The following GRAMD1B variants were observed in gnomAD, a reference collection of about 807,000 sequenced individuals.
The protein encoded by GRAMD1B is GRAM domain containing 1B.
In GRAMD1B, 37 loss-of-function variants were observed where a neutral mutation model predicts 99.7. The ratio of observed to expected loss-of-function variants is 0.37; its 90% CI spans 0.29 to 0.49. GRAMD1B has a LOEUF of 0.49. Among genes scored for constraint, GRAMD1B ranks in the 20% least tolerant of loss-of-function variants. The pLI is 0.98. For synonymous variants in GRAMD1B, 427 were observed against 387.6 expected, an observed-to-expected ratio of 1.10 and a Z score of -1.19; for missense variants, 888 against 1,009.2, an observed-to-expected ratio of 0.88 and a Z score of 1.63.
intron 2 of GRAMD1B, among the ~76,000 whole-genome samples, chr11:123,495,122 C>CAG (rs765949281): frequency 1.3e-5 from 2 of 151,402 alleles, no homozygotes; most frequent in African/African-American, 4.9e-5. Context: ...CATACACACA[C>CAG]ACACACACAC....
chr11:123,496,066 A>G (rs1479668682), intron 2 of GRAMD1B, among the ~76,000 whole-genome samples: 1 of 152,128 alleles, frequency 6.6e-6, no homozygotes, highest in East Asian at 1.9e-4. Flanking sequence ...CTACCTTTAG[A>G]TGATTTCTTT....
At chr11:123,450,883 A>T (rs957533659) in intron 1 of GRAMD1B, among the ~76,000 whole-genome samples, 1 of 152,200 alleles carries the variant, frequency 6.6e-6, no homozygotes, top group African/African-American at 2.4e-5. Context: ...GCACTAACAG[A>T]AGCCAAGAGC....
In GRAMD1B at chr11:123,591,724, G is replaced by T. The variant is rs922264865; in HGVS notation, c.685-2358G>T. On this transcript the variant is annotated intron_variant, in intron 4 of 19. Coordinates refer to ENST00000635736, the MANE Select transcript of GRAMD1B (RefSeq NM_001387025.1). This position sits in a 1 kb window ranked among gnomAD's most constrained non-coding sequence, Gnocchi z 4.7. ...GGGGGTGGAGGAGGGAGAGGGCTGG[G>T]GTCCCTGGCTTCGAGAGGCTGCATG... Among the ~76,000 whole-genome samples, 7 of 152,200 alleles carry T rather than the reference G, an allele frequency of 4.6e-5. No homozygotes were observed. Among genetic ancestry groups the T allele is most frequent in the Non-Finnish European group, 8.8e-5 (6 of 68,040 alleles).
At chr11:123,461,301 C>T (rs1435384984) in intron 1 of GRAMD1B, among the ~76,000 whole-genome samples, 1 of 152,196 alleles carries the variant, frequency 6.6e-6, no homozygotes. Context: ...AAAAGCCAAG[C>T]TGGCACTGCT....
At chr11:123,602,301 A>AATTATT (rs4063750) in intron 8 of GRAMD1B, among the ~76,000 whole-genome samples, 1,739 of 150,378 alleles carry the variant, frequency 0.012, 13 homozygotes, top group African/African-American at 0.017. Flanking sequence ...GGAGCTCTCA[A>AATTATT]ATTATTATTA....
intron 2 of GRAMD1B, among the ~76,000 whole-genome samples, chr11:123,507,895 G>A (rs1029575505): frequency 6.6e-6 from 1 of 152,152 alleles, no homozygotes; most frequent in Non-Finnish European, 1.5e-5. Flanking sequence ...TGGAAATTTG[G>A]TATTATGATG....
At chr11:123,557,977 C>CTTT (rs532091098) in intron 2 of GRAMD1B, among the ~76,000 whole-genome samples, 5,495 of 99,792 alleles carry the variant, frequency 0.055, 284 homozygotes, top group Non-Finnish European at 0.078. Flanking sequence ...TTCAGTGCAA[C>CTTT]TTTTTTTTTT....
intron 2 of GRAMD1B, among the ~76,000 whole-genome samples, chr11:123,509,383 G>A (rs1324280486): frequency 6.6e-6 from 1 of 152,224 alleles, no homozygotes; most frequent in African/African-American, 2.4e-5. Context: ...GAAAATGATA[G>A]GAGGGAGGTA....
intron 1 of GRAMD1B, among the ~76,000 whole-genome samples, chr11:123,431,374 C>T (rs1013808300): frequency 1.3e-5 from 2 of 152,252 alleles, no homozygotes; most frequent in Admixed American, 1.3e-4. Context: ...GGGTGAGGGG[C>T]TTCATGTTGC....
chr11:123,427,526 A>T (rs928459274), upstream of GRAMD1B, among the ~76,000 whole-genome samples: 18 of 152,346 alleles, frequency 1.2e-4, no homozygotes, highest in Admixed American at 3.9e-4. Flanking sequence ...TTATAGTCTT[A>T]ACAGTAATGT....
intron 2 of GRAMD1B, among the ~76,000 whole-genome samples, chr11:123,551,975 A>T (rs1945658870): frequency 6.6e-6 from 1 of 152,148 alleles, no homozygotes; most frequent in African/African-American, 2.4e-5. Flanking sequence ...ATGACTACAG[A>T]TTATTTAATT....
At chr11:123,549,497 G>A (rs779644373) in intron 2 of GRAMD1B, among the ~76,000 whole-genome samples, 2 of 151,974 alleles carry the variant, frequency 1.3e-5, no homozygotes, top group Non-Finnish European at 2.9e-5. Flanking sequence ...AGCCGAGATC[G>A]TGCCACTGCC....
intron 1 of GRAMD1B, among the ~76,000 whole-genome samples, chr11:123,414,681 T>C (rs998503276): frequency 6.6e-6 from 1 of 152,210 alleles, no homozygotes; most frequent in Admixed American, 6.5e-5. Flanking sequence ...GCTCCCACCC[T>C]CTACCCATGA....
intron 2 of GRAMD1B, among the ~76,000 whole-genome samples, chr11:123,528,252 T>C (rs1226764192): frequency 1.3e-5 from 2 of 152,190 alleles, no homozygotes; most frequent in Admixed American, 6.5e-5. Context: ...GGAGACTTGA[T>C]AGAAGCAAGA....
rs71060514 is a variant in GRAMD1B, at chr11:123,552,273, C to CTT, written c.453-25076_453-25075dup. 7.2e-4 allele frequency among the ~76,000 whole-genome samples: 86 copies of CTT among 119,346 alleles called. 1 individual carries two copies. Among genetic ancestry groups the CTT allele is most frequent in the East Asian group, 2.7e-3 (11 of 4,104 alleles). The allele number at this position is 119,346 out of a possible 152,430, so 78.3% of individuals were successfully genotyped here. Reference sequence around the variant, plus strand: ...ACACACAGTTGTCTTCTCTTTCTTTCTTTTTTTTTTTTTTTTTTTGATTTT... The same window carrying CTT: ...ACACACAGTTGTCTTCTCTTTCTTTCTTTTTTTTTTTTTTTTTTTTTGATTTT... On this transcript the variant is annotated intron_variant, in intron 2 of 19. Transcript: ENST00000635736.
chr11:123,386,545 C>A (rs546352411), intron 1 of GRAMD1B, among the ~76,000 whole-genome samples: 3 of 150,804 alleles, frequency 2.0e-5, no homozygotes, highest in South Asian at 4.2e-4. Context: ...TCAAGCGATT[C>A]TCCTGCCTTA....
At chr11:123,449,003 T>C (rs1289582778) in intron 1 of GRAMD1B, among the ~76,000 whole-genome samples, 3 of 152,220 alleles carry the variant, frequency 2.0e-5, no homozygotes, top group Non-Finnish European at 1.5e-5. Context: ...TCTGACCTTT[T>C]AGTTCCATGA....
At chr11:123,503,638 C>T (rs908890180) in intron 2 of GRAMD1B, among the ~76,000 whole-genome samples, 1 of 152,040 alleles carries the variant, frequency 6.6e-6, no homozygotes, top group Admixed American at 6.6e-5. Flanking sequence ...CCTCTGCCTC[C>T]CGGGTTCAAG....
chr11:123,593,277 T>C (rs1270618442), intron 4 of GRAMD1B, among the ~76,000 whole-genome samples: 1 of 151,884 alleles, frequency 6.6e-6, no homozygotes, highest in African/African-American at 2.4e-5. Context: ...TTGTAAGCCC[T>C]CAAAGGGCAG....
Sources: allele counts gnomAD v4.1 joint callset (sites outside exome capture counted in the v4.1 genomes callset), GRCh38; gene constraint gnomAD v4.1.1; non-coding constraint Gnocchi (gnomAD v3.1); transcripts MANE v1.5; gene names NCBI Gene and HGNC (gene_info 2026-07-23, HGNC 2026-07-21).